The following IKZF2 variants were observed in gnomAD, a reference collection of about 807,000 sequenced individuals.
IKZF2 encodes the protein IKAROS family zinc finger 2.
In IKZF2, 15 loss-of-function variants were observed where a neutral mutation model predicts 49.2. The observed-to-expected ratio is 0.30, with a 90% CI of 0.20 to 0.47. IKZF2 has a LOEUF of 0.47. IKZF2 is among the 20% of genes least tolerant of loss of function. The pLI, the probability that IKZF2 is intolerant of heterozygous loss-of-function variation, is 1.00. For synonymous variants in IKZF2, 227 were observed against 221.4 expected, an observed-to-expected ratio of 1.03 and a Z score of -0.23; for missense variants, 567 against 664.6, an observed-to-expected ratio of 0.85 and a Z score of 1.61.
intron 4 of IKZF2, among the ~76,000 whole-genome samples, chr2:213,125,563 C>T (rs2060231864): frequency 2.0e-5 from 3 of 152,100 alleles, no homozygotes; most frequent in Admixed American, 6.5e-5. Context: ...TTATACTTTC[C>T]AAAGAGCAAT....
At chr2:213,068,048 ACAG>A (rs1340669235) in intron 4 of IKZF2, among the ~76,000 whole-genome samples, 1 of 152,166 alleles carries the variant, frequency 6.6e-6, no homozygotes. Context: ...CACCATTTAA[ACAG>A]CTTTCTAAAG....
intron 4 of IKZF2, among the ~76,000 whole-genome samples, chr2:213,096,111 C>A (rs1196106708): frequency 6.6e-6 from 1 of 151,806 alleles, no homozygotes; most frequent in East Asian, 1.9e-4. Flanking sequence ...AAAAATAGCA[C>A]CCATTCACTA....
intron 4 of IKZF2, among the ~76,000 whole-genome samples, chr2:213,128,840 C>T (rs553763007): frequency 6.6e-5 from 8 of 121,006 alleles, no homozygotes; most frequent in South Asian, 5.2e-4. Flanking sequence ...TTAGTAGAGA[C>T]GGAGTTTCAC....
At chr2:213,129,654 T>C (rs189018770) in intron 4 of IKZF2, among the ~76,000 whole-genome samples, 2 of 152,116 alleles carry the variant, frequency 1.3e-5, no homozygotes, top group Non-Finnish European at 2.9e-5. Context: ...CAATGAATTG[T>C]TATGATCTGA....
At chr2:213,069,418 A>G (rs1244085193) in intron 4 of IKZF2, among the ~76,000 whole-genome samples, 1 of 152,272 alleles carries the variant, frequency 6.6e-6, no homozygotes, top group Non-Finnish European at 1.5e-5. Context: ...TTATTTCAGG[A>G]GCACAAGAAT....
rs149516045 is a variant in IKZF2, at chr2:213,037,206, A to C, written c.574+12507T>G. Among the ~76,000 whole-genome samples the C allele has an allele frequency of 8.5e-3, 1,289 of 152,322 alleles. 11 individuals carry two copies. Among genetic ancestry groups the C allele is most frequent in the South Asian group, 0.034 (163 of 4,826 alleles). ...CAGAACAATGAGAAAGCAGCTAAGAATCTTGTCCATTTCTTTAGAACTCCT... is the reference window on the plus strand; with the variant it reads ...CAGAACAATGAGAAAGCAGCTAAGACTCTTGTCCATTTCTTTAGAACTCCT... On this transcript the variant is annotated intron_variant, in intron 6 of 8. Coordinates refer to ENST00000434687, the MANE Select transcript of IKZF2 (RefSeq NM_001387220.1).
At chr2:213,081,480 C>G (rs143224421) in intron 4 of IKZF2, among the ~76,000 whole-genome samples, 240 of 152,064 alleles carry the variant, frequency 1.6e-3, no homozygotes, top group Middle Eastern at 6.8e-3. Context: ...GAGAATATGG[C>G]ATGATGAGTA....
intron 4 of IKZF2, among the ~76,000 whole-genome samples, chr2:213,085,707 G>A (rs778795996): frequency 1.2e-4 from 19 of 152,080 alleles, no homozygotes; most frequent in Admixed American, 2.6e-4. Context: ...AATGAAGGAG[G>A]CAACACGATG....
At chr2:213,126,115 G>A (rs2060250984) in intron 4 of IKZF2, among the ~76,000 whole-genome samples, 1 of 151,996 alleles carries the variant, frequency 6.6e-6, no homozygotes, top group Admixed American at 6.6e-5. Context: ...CTGCTCTTTA[G>A]CCCCACACTA....
Position 213,092,373 on chromosome 2 carries a change from C to T in IKZF2, c.140-35274G>A, listed in dbSNP as rs543599461. On this transcript the variant is annotated intron_variant, in intron 4 of 8. Transcript: ENST00000434687. Reference sequence around the variant, plus strand: ...CTGTAACCATAATAACCTCCTCTACCATTTCAATGTACAGTTATGGTCATA... The same window carrying T: ...CTGTAACCATAATAACCTCCTCTACTATTTCAATGTACAGTTATGGTCATA... 1.2e-4 allele frequency among the ~76,000 whole-genome samples: 18 copies of T among 152,236 alleles called. 1 individual carries two copies. The South Asian group carries it at 3.7e-3, about 32-fold the overall frequency.
At chr2:213,149,465 C>T (rs2061196558) in intron 2 of IKZF2, among the ~76,000 whole-genome samples, 1 of 152,082 alleles carries the variant, frequency 6.6e-6, no homozygotes, top group Non-Finnish European at 1.5e-5. Flanking sequence ...CTTTGATTCA[C>T]ATAATGAAAA....
chr2:213,116,671 G>A (rs2059886920), intron 4 of IKZF2, among the ~76,000 whole-genome samples: 1 of 152,146 alleles, frequency 6.6e-6, no homozygotes, highest in African/African-American at 2.4e-5. Context: ...CTGTGAGGTC[G>A]AAGTTGACAC....
At chr2:213,106,267 C>T (rs773426668) in intron 4 of IKZF2, among the ~76,000 whole-genome samples, 5 of 151,754 alleles carry the variant, frequency 3.3e-5, no homozygotes, top group African/African-American at 9.7e-5. Flanking sequence ...TATGGAAAGA[C>T]GGCACCAATC....
chr2:213,147,316 C>A, intron 4 of IKZF2: 1 of 377,082 alleles, frequency 2.7e-6, no homozygotes, highest in African/African-American at 2.1e-5. Flanking sequence ...GACGGTTTAG[C>A]TTTCTACCAA....
chr2:213,022,373 CT>C (rs995181152), intron 6 of IKZF2, among the ~76,000 whole-genome samples: 3 of 152,162 alleles, frequency 2.0e-5, no homozygotes, highest in African/African-American at 7.2e-5. Flanking sequence ...CTTGCTCTGA[CT>C]GTATTCTAGA....
In IKZF2 at chr2:213,003,595, C is replaced by T. The variant is rs1337964143; in HGVS notation, c.*3765G>A. ...GCTTGTATTTTTACAGCCCCGTCTG[C>T]TCTTTTTGTACCCTAAGAAATCATT... On this transcript the variant is annotated 3_prime_UTR_variant, in exon 9 of 9. Coordinates refer to ENST00000434687, the MANE Select transcript of IKZF2 (RefSeq NM_001387220.1). 6.6e-6 allele frequency: 1 copy of T among 151,618 alleles called. No homozygotes were observed. Among genetic ancestry groups the T allele is most frequent in the Admixed American group, 6.6e-5 (1 of 15,188 alleles). 9.4% of individuals were successfully genotyped at this position (151,618 alleles called of 1,614,324 possible). A position where few individuals can be genotyped will look rare whatever the true frequency, so the allele number is the denominator to read the frequency against.
chr2:213,110,470 T>C (rs1482038955), intron 4 of IKZF2, among the ~76,000 whole-genome samples: 3 of 151,906 alleles, frequency 2.0e-5, no homozygotes, highest in African/African-American at 7.2e-5. Flanking sequence ...TAGCAATATA[T>C]TTTCGAAATC....
chr2:213,122,681 C>G (rs2060098864), intron 4 of IKZF2, among the ~76,000 whole-genome samples: 1 of 152,202 alleles, frequency 6.6e-6, no homozygotes, highest in Non-Finnish European at 1.5e-5. Context: ...TAACATAGCT[C>G]TTAAATTTAT....
rs1200107236 is a variant in IKZF2 at position 213,007,531 on chromosome 2, G to A, written c.1410C>T (p.Ala470=). The change falls in exon 9 of 9, where the codon GCC becomes GCT. Residue 470 remains alanine, a synonymous_variant. Coordinates refer to ENST00000434687, the MANE Select transcript of IKZF2 (RefSeq NM_001387220.1). ...VFNGEGEQIR[A]FKCEHCRVLF... is the part of the protein sequence containing the mutation. ...GGACTCGGCAGTGCTCACACTTGAA[G>A]GCCCTAATCTGTTCTCCTTCTCCAT... 1.2e-6 allele frequency: 2 copies of A among 1,613,718 alleles called. No individual in the cohort carries two copies. The highest frequency in any genetic ancestry group is 2.2e-5 in the East Asian group (1 of 44,854).
Sources: allele counts gnomAD v4.1 joint callset (sites outside exome capture counted in the v4.1 genomes callset), GRCh38; gene constraint gnomAD v4.1.1; transcripts MANE v1.5; gene names NCBI Gene and HGNC (gene_info 2026-07-23, HGNC 2026-07-21).